Variants in PIK3AP1 observed in about 807,000 individuals in gnomAD.
The protein encoded by PIK3AP1 is phosphoinositide 3-kinase adapter protein 1.
A neutral mutation model predicts 88.1 loss-of-function variants in PIK3AP1; 21 were observed. The observed-to-expected ratio is 0.24, with a 90% confidence interval of 0.17 to 0.34. The LOEUF is 0.34. PIK3AP1 is among the 10% of genes least tolerant of loss of function. PIK3AP1 has a pLI of 1.00. For missense variants in PIK3AP1, 828 were observed against 1,035.7 expected (o/e 0.80, Z 2.75); for synonymous variants, 398 against 400.0 (o/e 1.00, Z 0.06).
chr10:96,614,565 A>G (rs535625064), intron 13 of PIK3AP1, among the ~76,000 whole-genome samples: 1 of 152,106 alleles, frequency 6.6e-6, no homozygotes, highest in Admixed American at 6.5e-5. Context: ...TTCTCCCAAA[A>G]TCATTAACAT....
At chr10:96,676,288 T>A (rs611378) in intron 2 of PIK3AP1, among the ~76,000 whole-genome samples, 25,882 of 150,784 alleles carry the variant, frequency 0.17, 3,209 homozygotes, top group African/African-American at 0.34. Flanking sequence ...TCTTTGCTTG[T>A]CTTTATCTGT....
At chr10:96,626,581 G>T in intron 10 of PIK3AP1, 127 bp downstream of exon 10, 1 of 999,884 alleles carries the variant, frequency 1.0e-6, no homozygotes, top group Non-Finnish European at 1.5e-6. Flanking sequence ...CTGTCTCGTA[G>T]GGCTGGTTGA....
intron 2 of PIK3AP1, among the ~76,000 whole-genome samples, chr10:96,707,449 C>G (rs1844378963): frequency 6.6e-6 from 1 of 152,098 alleles, no homozygotes; most frequent in Non-Finnish European, 1.5e-5. Flanking sequence ...CGCACCATCA[C>G]GACTAGCTAA....
At chr10:96,702,903 G>T (rs1034913414) in intron 2 of PIK3AP1, among the ~76,000 whole-genome samples, 4 of 152,066 alleles carry the variant, frequency 2.6e-5, no homozygotes, top group Non-Finnish European at 5.9e-5. Context: ...TTGAGACAGG[G>T]TCTCGCTCTG....
At chr10:96,695,578 A>T (rs143492585) in intron 2 of PIK3AP1, among the ~76,000 whole-genome samples, 1 of 152,312 alleles carries the variant, frequency 6.6e-6, no homozygotes, top group African/African-American at 2.4e-5. Context: ...GCATTTTCTT[A>T]AATAAGAACC....
chr10:96,717,466 G>A (rs888118431), intron 1 of PIK3AP1, among the ~76,000 whole-genome samples: 6 of 152,188 alleles, frequency 3.9e-5, no homozygotes, highest in Non-Finnish European at 7.4e-5. Context: ...GGAGAGATGT[G>A]GTCAATCATA....
rs763923650 is a variant in PIK3AP1, at chr10:96,711,739, ATTTTTTTTTTTTTTT to A, written c.14-1771_14-1757del. ...ATTTCCCCCAGGATGAGATTACCAAATTTTTTTTTTTTTTTTTTTTTTTTTTTTTTAGACGGAGTC... is the reference window on the plus strand; with the variant it reads ...ATTTCCCCCAGGATGAGATTACCAAATTTTTTTTTTTTTTTAGACGGAGTC... On this transcript the variant is annotated intron_variant, in intron 1 of 16. Coordinates refer to ENST00000339364, the MANE Select transcript of PIK3AP1 (RefSeq NM_152309.3). 1.7e-4 allele frequency among the ~76,000 whole-genome samples: 11 copies of A among 66,446 alleles called. No individual in the cohort carries two copies. The Admixed American group carries it at 2.2e-3, about 13-fold the overall frequency. The allele number at this position is 66,446 out of a possible 152,430, so 43.6% of individuals were successfully genotyped here. A position where few individuals can be genotyped will look rare whatever the true frequency, so the allele number is the denominator to read the frequency against.
intron 9 of PIK3AP1, among the ~76,000 whole-genome samples, chr10:96,627,565 T>TC (rs1311691888): frequency 6.6e-6 from 1 of 152,190 alleles, no homozygotes; most frequent in African/African-American, 2.4e-5. Context: ...TAGAGTTTTT[T>TC]CCTTCCTCTT....
chr10:96,629,929 AAAAGAAGAAGAAG>A (rs1843219555), intron 8 of PIK3AP1, among the ~76,000 whole-genome samples: 1 of 96,356 alleles, frequency 1.0e-5, no homozygotes, highest in African/African-American at 3.9e-5. Context: ...AAAAAAAAAA[AAAAGAAGAAGAAG>A]AAGAAGAAGA....
intron 2 of PIK3AP1, among the ~76,000 whole-genome samples, chr10:96,707,709 C>T (rs771112906): frequency 2.0e-5 from 3 of 152,094 alleles, no homozygotes; most frequent in Non-Finnish European, 4.4e-5. Context: ...CCTAATGGAC[C>T]GATGCAATGA....
chr10:96,713,140 T>C (rs1248927246), intron 1 of PIK3AP1, among the ~76,000 whole-genome samples: 1 of 151,824 alleles, frequency 6.6e-6, no homozygotes, highest in Non-Finnish European at 1.5e-5. Context: ...GGCGGGCGGA[T>C]TGCTTGAGCT....
At position 96,632,529 on chromosome 10, in the gene PIK3AP1, C is replaced by T. The variant is rs576834616; in HGVS notation, c.1376-4036G>A. ...TCTGCCTACACTATCAAGCTAAGTA[C>T]CTTCCACAGACACTGTGGAGCACAT... On this transcript the variant is annotated intron_variant, in intron 8 of 16. Coordinates refer to ENST00000339364, the MANE Select transcript of PIK3AP1 (RefSeq NM_152309.3). Among the ~76,000 whole-genome samples, 4 of 149,976 alleles carry T rather than the reference C, an allele frequency of 2.7e-5. No individual in the cohort carries two copies. The South Asian group carries it at 6.4e-4, about 24-fold the overall frequency.
chr10:96,660,091 T>A (rs565107348), intron 2 of PIK3AP1, among the ~76,000 whole-genome samples: 3 of 152,058 alleles, frequency 2.0e-5, no homozygotes, highest in Non-Finnish European at 4.4e-5. Context: ...TTCATTCCCA[T>A]AAAAACTTAA....
chr10:96,657,635 A>G (rs182562828), intron 2 of PIK3AP1, among the ~76,000 whole-genome samples: 1 of 150,296 alleles, frequency 6.7e-6, no homozygotes, highest in Non-Finnish European at 1.5e-5. Flanking sequence ...TGATAGACCT[A>G]CCTCTGAGGT....
chr10:96,683,808 T>C (rs1243006576), intron 2 of PIK3AP1, among the ~76,000 whole-genome samples: 1 of 152,236 alleles, frequency 6.6e-6, no homozygotes, highest in Non-Finnish European at 1.5e-5. Context: ...ACTTTTCTAA[T>C]TCATAGGATG....
At chr10:96,692,828 C>T (rs1844172190) in intron 2 of PIK3AP1, among the ~76,000 whole-genome samples, 1 of 152,086 alleles carries the variant, frequency 6.6e-6, no homozygotes, top group Non-Finnish European at 1.5e-5. Context: ...TCTTAATGTT[C>T]AGTTTTGTTT....
At chr10:96,658,063 C>CAA (rs10706863) in intron 2 of PIK3AP1, among the ~76,000 whole-genome samples, 17,669 of 113,642 alleles carry the variant, frequency 0.16, 1,363 homozygotes, top group Admixed American at 0.23. Context: ...AACTCCATCT[C>CAA]AAAAAAAAAA....
intron 16 of PIK3AP1, among the ~76,000 whole-genome samples, chr10:96,595,987 T>C (rs1040485327): frequency 6.6e-6 from 1 of 152,214 alleles, no homozygotes; most frequent in African/African-American, 2.4e-5. Context: ...TTTGCCATCT[T>C]GGGGCCTTGC....
At chr10:96,649,728 G>T (rs539950019) in intron 6 of PIK3AP1, among the ~76,000 whole-genome samples, 10 of 152,218 alleles carry the variant, frequency 6.6e-5, no homozygotes, top group South Asian at 6.2e-4. Flanking sequence ...TATTCAGCAG[G>T]GTTCCTATTT....
Sources: gnomAD v4.1 joint callset for allele counts (sites outside exome capture counted in the v4.1 genomes callset) on GRCh38, gnomAD v4.1.1 for gene constraint, MANE v1.5 for transcripts, NCBI Gene and HGNC (gene_info 2026-07-23, HGNC 2026-07-21) for gene names.